The following FIGN variants were observed in gnomAD, a reference collection of about 807,000 sequenced individuals.
The protein encoded by FIGN is fidgetin, microtubule severing factor.
FIGN carries 11 observed loss-of-function variants against 51.3 expected under a neutral mutation model. The observed-to-expected ratio is 0.21, with a 90% CI of 0.13 to 0.35. FIGN has a LOEUF of 0.35. Ranked by LOEUF, FIGN falls within the 10% of genes least tolerant of loss-of-function variation. FIGN has a pLI of 1.00. For synonymous variants in FIGN, 407 were observed against 363.2 expected (o/e 1.12, Z -1.37); for missense variants, 857 against 943.6 (o/e 0.91, Z 1.20).
At chr2:163,719,944 C>G (rs1258736722) in intron 2 of FIGN, among the ~76,000 whole-genome samples, 1 of 152,102 alleles carries the variant, frequency 6.6e-6, no homozygotes, top group African/African-American at 2.4e-5. Flanking sequence ...CTTATTATCA[C>G]CATTAATGTT....
At chr2:163,646,262 T>G (rs1683379781) in intron 2 of FIGN, among the ~76,000 whole-genome samples, 1 of 152,158 alleles carries the variant, frequency 6.6e-6, no homozygotes, top group African/African-American at 2.4e-5. Flanking sequence ...TTTTTTTTGT[T>G]AACTAAAAGT....
At chr2:163,677,620 G>C (rs1400167187) in intron 2 of FIGN, among the ~76,000 whole-genome samples, 1 of 151,978 alleles carries the variant, frequency 6.6e-6, no homozygotes, top group Non-Finnish European at 1.5e-5. Context: ...ACTTTTATTA[G>C]GCTATTCTGA....
rs532940106 is a variant in FIGN at position 163,646,151 on chromosome 2, T to C, written c.26-34345A>G. Among the ~76,000 whole-genome samples the C allele has an allele frequency of 3.0e-4, 46 of 152,264 alleles. No individual in the cohort carries two copies. In the South Asian group the frequency reaches 9.1e-3, roughly 30 times the overall value. On this transcript the variant is annotated intron_variant, in intron 2 of 2. Coordinates refer to ENST00000333129, the MANE Select transcript of FIGN (RefSeq NM_018086.4). ...ACTGTCAAATCAAGAGCAATTTAAG[T>C]TGAATGAATGAATCTGCTCAAAACC...
intron 2 of FIGN, among the ~76,000 whole-genome samples, chr2:163,701,549 A>G (rs932581582): frequency 3.3e-5 from 5 of 152,180 alleles, no homozygotes; most frequent in African/African-American, 1.2e-4. Flanking sequence ...GCTGCAAGAG[A>G]AGCCACTGTA....
rs145575229 is a variant in FIGN at position 163,713,448 on chromosome 2, C to CCACACA, written c.25+21449_25+21454dup. On this transcript the variant is annotated intron_variant, in intron 2 of 2. Coordinates refer to ENST00000333129, the MANE Select transcript of FIGN (RefSeq NM_018086.4). Reference sequence around the variant, plus strand: ...CACACACAGATGTCTCTTTCACACACCACACACACACACACACACACAGAG... The same window carrying CCACACA: ...CACACACAGATGTCTCTTTCACACACCACACACACACACACACACACACACACAGAG... Among the ~76,000 whole-genome samples, 142 of 148,432 alleles carry CCACACA rather than the reference C, an allele frequency of 9.6e-4. 1 individual carries two copies. The highest frequency in any genetic ancestry group is 3.4e-3 in the African/African-American group (137 of 40,642).
rs529197597 is a variant in FIGN at position 163,722,037 on chromosome 2, G to A, written c.25+12866C>T. ...TAATGCTATTTATTGTAACATTCAC[G>A]GCAGATTTGAGAAAGTAGCTGACCC... On this transcript the variant is annotated intron_variant, in intron 2 of 2. Transcript: ENST00000333129. Among the ~76,000 whole-genome samples, 17 of 152,124 alleles carry A rather than the reference G, an allele frequency of 1.1e-4. No homozygotes were observed. The South Asian group carries it at 2.7e-3, about 24-fold the overall frequency.
At chr2:163,698,623 T>C (rs996294195) in intron 2 of FIGN, among the ~76,000 whole-genome samples, 1 of 152,144 alleles carries the variant, frequency 6.6e-6, no homozygotes, top group Non-Finnish European at 1.5e-5. Flanking sequence ...TGAATACATC[T>C]AATTAATGAA....
chr2:163,609,601 T>C lies in FIGN; in HGVS notation c.2231A>G (p.Glu744Gly). The C allele has an allele frequency of 1.5e-5, 25 of 1,614,046 alleles. No individual in the cohort carries two copies. Among genetic ancestry groups the C allele is most frequent in the Non-Finnish European group, 2.1e-5 (25 of 1,179,982 alleles). Residue 744 changes from glutamate to glycine, a missense_variant, in exon 3 of 3, where the codon GAG becomes GGG. By Grantham distance (98) the Glu-to-Gly change is moderately conservative (BLOSUM62 -2). This residue lies in a region of FIGN where 799 missense variants were observed against 849.5 expected (regional missense o/e 0.94). Transcript: ENST00000333129. ...GTTCCATTCAACATACATATCAAGC[T>C]CCTTTTGAGATATGCTAGGCTGAAT... ...CKIQPSISQK[E>G]LDMYVEWNKM... is the part of the protein sequence containing the mutation.
chr2:163,667,986 T>G (rs1683808538), intron 2 of FIGN, among the ~76,000 whole-genome samples: 1 of 145,318 alleles, frequency 6.9e-6, no homozygotes, highest in Non-Finnish European at 1.5e-5. Flanking sequence ...CTCACAGAGT[T>G]CAAGGAAAGA....
rs1457439663 is a variant in FIGN at position 163,611,733 on chromosome 2, C to G, written c.99G>C (p.Arg33=). 1 of 1,614,090 alleles carries G rather than the reference C, an allele frequency of 6.2e-7. No homozygotes were observed. Among genetic ancestry groups the G allele is most frequent in the Admixed American group, 1.7e-5 (1 of 60,006 alleles). ...EQHFDITSTT[R]SPAHKVEAYR... Reference sequence around the variant, plus strand: ...AGGCTTCAACTTTGTGGGCAGGAGACCGAGTGGTTGAGGTGATGTCAAAGT... The same window carrying G: ...AGGCTTCAACTTTGTGGGCAGGAGAGCGAGTGGTTGAGGTGATGTCAAAGT... The change falls in exon 3 of 3, where the codon CGG becomes CGC. Residue 33 remains arginine (R), a synonymous_variant. Transcript: ENST00000333129.
intron 2 of FIGN, among the ~76,000 whole-genome samples, chr2:163,669,055 T>A (rs1282453561): frequency 3.4e-5 from 5 of 145,426 alleles, no homozygotes; most frequent in Non-Finnish European, 7.5e-5. Flanking sequence ...ATTCTTATTA[T>A]ATAAAGGAAA....
At position 163,615,813 on chromosome 2, in the gene FIGN, AAAGT is replaced by A. The variant is rs1238520157; in HGVS notation, c.26-4011_26-4008del. Among the ~76,000 whole-genome samples the A allele has an allele frequency of 3.5e-4, 53 of 152,348 alleles. 1 individual carries two copies. The highest frequency in any genetic ancestry group is 9.6e-4 in the East Asian group (5 of 5,186). ...ACAGTAAAAATTCAGAAAACAGTGG[AAAGT>A]AAGAAAAATAGTTTTTAAAGATAAT... On this transcript the variant is annotated intron_variant, in intron 2 of 2. Transcript: ENST00000333129.
intron 2 of FIGN, among the ~76,000 whole-genome samples, chr2:163,669,014 G>GC: frequency 1.1e-5 from 1 of 93,234 alleles, no homozygotes; most frequent in East Asian, 3.0e-4. Flanking sequence ...AGAAAAAAAG[G>GC]AATATATATA....
chr2:163,666,155 A>G (rs1482987106), intron 2 of FIGN, among the ~76,000 whole-genome samples: 1 of 152,190 alleles, frequency 6.6e-6, no homozygotes, highest in Non-Finnish European at 1.5e-5. Flanking sequence ...TTTGGTAGAA[A>G]GAATATGGAT....
rs775909806 is a variant in FIGN at position 163,606,518 on chromosome 2, A to C, written c.*3034T>G. On this transcript the variant is annotated 3_prime_UTR_variant, in exon 3 of 3. Transcript: ENST00000333129. ...TAATAGCCTTCTCCAAATTCTTAGC[A>C]GTCAAAAAGAGGCCAAGGGTATGAA... 2 of 152,188 alleles carry C rather than the reference A, an allele frequency of 1.3e-5. No homozygotes were observed. The highest frequency in any genetic ancestry group is 2.9e-5 in the Non-Finnish European group (2 of 68,056). The allele number at this position is 152,188 out of a possible 1,614,324, so 9.4% of individuals were successfully genotyped here. A position where few individuals can be genotyped will look rare whatever the true frequency, so the allele number is the denominator to read the frequency against.
chr2:163,724,475 C>T (rs141741846), intron 2 of FIGN, among the ~76,000 whole-genome samples: 7 of 152,182 alleles, frequency 4.6e-5, no homozygotes, highest in African/African-American at 1.7e-4. Context: ...TCTCATCTAA[C>T]TGATCTGGTG....
At chr2:163,646,078 C>T (rs560114345) in intron 2 of FIGN, among the ~76,000 whole-genome samples, 1 of 152,088 alleles carries the variant, frequency 6.6e-6, no homozygotes, top group South Asian at 2.1e-4. Flanking sequence ...TGTAATGATG[C>T]CTTTTGGTAA....
intron 2 of FIGN, among the ~76,000 whole-genome samples, chr2:163,708,497 C>T (rs962808339): frequency 1.3e-5 from 2 of 151,942 alleles, no homozygotes; most frequent in Admixed American, 6.6e-5. Context: ...GTGGCCAAGG[C>T]GAAATAGCAA....
At chr2:163,611,896 A>ATTGT in intron 2 of FIGN, 90 bp from the exon 3 acceptor site, 1 of 1,025,480 alleles carries the variant, frequency 9.8e-7, no homozygotes, top group South Asian at 1.7e-5. Context: ...GTTACCTATT[A>ATTGT]TTTTCCATTA....
Sources: gnomAD v4.1 joint callset for allele counts (sites outside exome capture counted in the v4.1 genomes callset) on GRCh38, gnomAD v4.1.1 for gene constraint, gnomAD v4.1.1 regional missense constraint, MANE v1.5 for transcripts, NCBI Gene and HGNC (gene_info 2026-07-23, HGNC 2026-07-21) for gene names.